The following MELTF variants were observed in gnomAD, a reference collection of about 807,000 sequenced individuals.
MELTF encodes melanotransferrin.
Under a neutral mutation model 83.7 loss-of-function variants are expected in MELTF, and 67 were observed. That is an observed-to-expected ratio of 0.80 (90% CI 0.66 to 0.98). The LOEUF (loss-of-function observed/expected upper bound fraction) is 0.98, where lower values mean the gene tolerates loss of function less well. Among genes scored for constraint, MELTF ranks in the 50% least tolerant of loss-of-function variants. MELTF has a pLI of 0.00. For missense variants in MELTF, 1,002 were observed against 1,035.6 expected, an observed-to-expected ratio of 0.97 and a Z score of 0.44; for synonymous variants, 462 against 447.6, an observed-to-expected ratio of 1.03 and a Z score of -0.41.
In MELTF at chr3:197,015,379, T is replaced by C. The variant is rs142146437; in HGVS notation, c.1219A>G (p.Met407Val). ...GTGACTCCCACCTGGATCCGCTCCATGCAGTGTTGGGGGGACTTGGCTGAC... is the reference window on the plus strand; with the variant it reads ...GTGACTCCCACCTGGATCCGCTCCACGCAGTGTTGGGGGGACTTGGCTGAC... ...CVSAKSPQHC[M>V]ERIQAEQVDA... The change falls in exon 9 of 16, where the codon ATG (methionine) becomes GTG (valine). Residue 407 changes from methionine to valine, a missense_variant. Transcript: ENST00000296350. 6.4e-5 allele frequency: 100 copies of C among 1,568,636 alleles called. No individual in the cohort carries two copies. The highest frequency in any genetic ancestry group is 7.5e-5 in the Admixed American group (4 of 53,086).
intron 6 of MELTF, chr3:197,019,640 C>G: frequency 1.9e-6 from 3 of 1,611,734 alleles, no homozygotes; most frequent in Non-Finnish European, 2.5e-6. Context: ...GCCCGTTTTC[C>G]AAATTCTCCT....
chr3:197,003,998 C>T lies in MELTF; in HGVS notation c.2040G>A (p.Ala680=). Reference sequence around the variant, plus strand: ...AGGTGGTTTTCTCTCCGACAGGCACCGCCCGGACGGTGGCATCCTTGAAAA... The same window carrying T: ...AGGTGGTTTTCTCTCCGACAGGCACTGCCCGGACGGTGGCATCCTTGAAAA... ...DLLFKDATVR[A]VPVGEKTTYR... Residue 680 remains alanine, a synonymous_variant, in exon 15 of 16, where the codon GCG becomes GCA. Transcript: ENST00000296350. This position sits in a 1 kb window ranked among gnomAD's most constrained non-coding sequence, Gnocchi z 6.2. 3 of 1,614,200 alleles carry T rather than the reference C, an allele frequency of 1.9e-6. No homozygotes were observed. Among genetic ancestry groups the T allele is most frequent in the Non-Finnish European group, 2.5e-6 (3 of 1,180,032 alleles).
At position 197,019,499 on chromosome 3, in the gene MELTF, A is replaced by T. The variant is rs1577939989; in HGVS notation, c.712+1905T>A. The T allele has an allele frequency of 1.2e-5, 18 of 1,495,272 alleles. No homozygotes were observed. In the East Asian group the frequency reaches 4.1e-4, roughly 34 times the overall value. 92.6% of individuals were successfully genotyped at this position (1,495,272 alleles called of 1,614,324 possible). ...ACGCCTGTCATCCCAGCTACTCAGGAGGCTGAGATGCGAGGATCAGTTGAG... is the reference window on the plus strand; with the variant it reads ...ACGCCTGTCATCCCAGCTACTCAGGTGGCTGAGATGCGAGGATCAGTTGAG... On this transcript the variant is annotated intron_variant, in intron 6 of 15. Transcript: ENST00000296350.
chr3:197,014,383 G>GGTT lies in MELTF; in HGVS notation c.1233+981_1233+982insAAC, dbSNP rs747329235. Among the ~76,000 whole-genome samples the GGTT allele has an allele frequency of 1.3e-3, 130 of 101,054 alleles. 1 individual carries two copies. The highest frequency in any genetic ancestry group is 4.7e-3 in the African/African-American group (114 of 24,124). 66.3% of individuals were successfully genotyped at this position (101,054 alleles called of 152,430 possible). ...GTAGGGGAAGGGAGGAATAGGGAGA[G>GGTT]TTTTTTTTTTTTTTTTTTTTTTTGA... On this transcript the variant is annotated intron_variant, in intron 9 of 15. Transcript: ENST00000296350.
intron 14 of MELTF, among the ~76,000 whole-genome samples, chr3:197,005,649 G>A (rs940362043): frequency 2.0e-5 from 3 of 152,216 alleles, no homozygotes; most frequent in African/African-American, 7.2e-5. Flanking sequence ...GCAGGGGAAG[G>A]TGTTTCCAGG....
Position 197,007,428 on chromosome 3 carries a change from G to A in MELTF, c.1751-692C>T, listed in dbSNP as rs1015242157. On this transcript the variant is annotated intron_variant, in intron 13 of 15. Coordinates refer to ENST00000296350, the MANE Select transcript of MELTF (RefSeq NM_005929.6). The surrounding 1 kb of genome is among the most constrained non-coding windows in gnomAD (Gnocchi z 4.3). ...CTCCTCCCATTTCCAGGAAATCCAGGTGGGCCTTGAGGAGAGCTAAAGATA... is the reference window on the plus strand; with the variant it reads ...CTCCTCCCATTTCCAGGAAATCCAGATGGGCCTTGAGGAGAGCTAAAGATA... 6.6e-6 allele frequency among the ~76,000 whole-genome samples: 1 copy of A among 152,188 alleles called. No homozygotes were observed. The highest frequency in any genetic ancestry group is 2.4e-5 in the African/African-American group (1 of 41,430).
rs113882690 is a variant in MELTF, at chr3:197,007,022, C to T, written c.1751-286G>A. Among the ~76,000 whole-genome samples the T allele has an allele frequency of 1.5e-4, 23 of 152,254 alleles. 1 individual carries two copies. Among genetic ancestry groups the T allele is most frequent in the African/African-American group, 4.6e-4 (19 of 41,540 alleles). ...CGTTGCTTGATCCCCACAACAGTAA[C>T]GCAGGGTAGGTGTTTTTGTCCCCAT... On this transcript the variant is annotated intron_variant, in intron 13 of 15. Transcript: ENST00000296350. This position sits in a 1 kb window ranked among gnomAD's most constrained non-coding sequence, Gnocchi z 4.3.
At chr3:197,027,988 T>G (rs1719935963) in intron 1 of MELTF, 78 bp from the exon 2 acceptor site, 21 of 1,455,156 alleles carry the variant, frequency 1.4e-5, no homozygotes, top group Non-Finnish European at 1.8e-5. Flanking sequence ...GCTCCAGCAG[T>G]TCTGTGTGAG....
At position 197,024,213 on chromosome 3, in the gene MELTF, G is replaced by A. The variant is rs1462873260; in HGVS notation, c.487+90C>T. On this transcript the variant is annotated intron_variant, in intron 4 of 15. Coordinates refer to ENST00000296350, the MANE Select transcript of MELTF (RefSeq NM_005929.6). The surrounding 1 kb of genome is among the most constrained non-coding windows in gnomAD (Gnocchi z 5.3). ...AGGAATGAAGAATGGTGGCGAGGCC[G>A]GAGGGAGGCTACCCAGTGAAGGGAC... is the stretch of plus-strand genomic sequence containing the variant. 19 of 1,374,666 alleles carry A rather than the reference G, an allele frequency of 1.4e-5. No homozygotes were observed. Among genetic ancestry groups the A allele is most frequent in the African/African-American group, 4.4e-5 (3 of 68,826 alleles). 85.2% of individuals were successfully genotyped at this position (1,374,666 alleles called of 1,614,324 possible). A position where few individuals can be genotyped will look rare whatever the true frequency, so the allele number is the denominator to read the frequency against.
In MELTF at chr3:197,002,481, C is replaced by T. The variant is rs1040011614; in HGVS notation, c.*891G>A. 2.0e-5 allele frequency: 3 copies of T among 152,178 alleles called. No homozygotes were observed. Among genetic ancestry groups the T allele is most frequent in the Admixed American group, 1.3e-4 (2 of 15,284 alleles). 9.4% of individuals were successfully genotyped at this position (152,178 alleles called of 1,614,324 possible). A position where few individuals can be genotyped will look rare whatever the true frequency, so the allele number is the denominator to read the frequency against. ...TCCCCAGGCCCAGCGGGTGCGGGGC[C>T]GGGTGAGGAGACGGAGCTCACCCCC... On this transcript the variant is annotated 3_prime_UTR_variant, in exon 16 of 16. Coordinates refer to ENST00000296350, the MANE Select transcript of MELTF (RefSeq NM_005929.6).
At position 197,003,745 on chromosome 3, in the gene MELTF, T is replaced by G; in HGVS notation, c.2137+156A>C. 1 of 671,600 alleles carries G rather than the reference T, an allele frequency of 1.5e-6. No individual in the cohort carries two copies. The highest frequency in any genetic ancestry group is 1.9e-5 in the African/African-American group (1 of 53,248). 41.6% of individuals were successfully genotyped at this position (671,600 alleles called of 1,614,324 possible). ...GCTCCCGCCCTCCCGGCCCGCAGCC[T>G]CCTGGCCAAAATCCTCCCGGGACAC... On this transcript the variant is annotated intron_variant, in intron 15 of 15. Transcript: ENST00000296350. The surrounding 1 kb of genome is among the most constrained non-coding windows in gnomAD (Gnocchi z 6.2).
chr3:197,004,187 A>AT (rs1718893945), intron 14 of MELTF, 88 bp from the exon 15 acceptor site: 1 of 1,261,722 alleles, frequency 7.9e-7, no homozygotes, highest in Non-Finnish European at 1.2e-6. Context: ...ATTGCTTTAC[A>AT]TACAGTGACC....
intron 6 of MELTF, chr3:197,019,135 A>G: frequency 1.0e-6 from 1 of 986,872 alleles, no homozygotes; most frequent in Non-Finnish European, 1.2e-6. Context: ...GTCATTGTTA[A>G]TGGCCACATG....
intron 6 of MELTF, chr3:197,021,199 C>G: frequency 1.8e-6 from 1 of 570,030 alleles, no homozygotes; most frequent in South Asian, 2.4e-5. Context: ...GCAGTGGGCA[C>G]TCCACTGGTG....
At chr3:197,004,602 T>C (rs898576873) in intron 14 of MELTF, 2 of 183,898 alleles carry the variant, frequency 1.1e-5, no homozygotes, top group Non-Finnish European at 2.3e-5. Flanking sequence ...CGCCCAGGGA[T>C]GCTGCACTCC....
chr3:197,008,092 G>A lies in MELTF; in HGVS notation c.1750+565C>T, dbSNP rs766362322. On this transcript the variant is annotated intron_variant, in intron 13 of 15. Transcript: ENST00000296350. This position sits in a 1 kb window ranked among gnomAD's most constrained non-coding sequence, Gnocchi z 5.4. ...GTCAGGGGAGCGTGTGCTCTGATAGGACCATGTATGTACTGGGGTCCCGGA... is the reference window on the plus strand; with the variant it reads ...GTCAGGGGAGCGTGTGCTCTGATAGAACCATGTATGTACTGGGGTCCCGGA... 4.6e-5 allele frequency among the ~76,000 whole-genome samples: 7 copies of A among 152,162 alleles called. No individual in the cohort carries two copies. The highest frequency in any genetic ancestry group is 8.8e-5 in the Non-Finnish European group (6 of 68,022).
In MELTF at chr3:197,007,230, A is replaced by G. The variant is rs1211367386; in HGVS notation, c.1751-494T>C. On this transcript the variant is annotated intron_variant, in intron 13 of 15. Transcript: ENST00000296350. The surrounding 1 kb of genome is among the most constrained non-coding windows in gnomAD (Gnocchi z 4.3). The stretch of plus-strand genomic sequence containing the variant: ...CTTGTGGATGCAGAAGGCAGCTTCA[A>G]GGGCCCTTGCTTGCAAAGAATCTTA... Among the ~76,000 whole-genome samples the G allele has an allele frequency of 6.6e-6, 1 of 152,164 alleles. No homozygotes were observed. Among genetic ancestry groups the G allele is most frequent in the Non-Finnish European group, 1.5e-5 (1 of 68,026 alleles).
intron 6 of MELTF, chr3:197,021,154 G>A (rs1479658853): frequency 1.9e-5 from 10 of 525,694 alleles, no homozygotes; most frequent in African/African-American, 1.7e-4. Context: ...AAGCAGAGCA[G>A]AGCTGCTCGC....
In MELTF at chr3:197,007,671, G is replaced by A. The variant is rs1719028811; in HGVS notation, c.1751-935C>T. On this transcript the variant is annotated intron_variant, in intron 13 of 15. Coordinates refer to ENST00000296350, the MANE Select transcript of MELTF (RefSeq NM_005929.6). The surrounding 1 kb of genome is among the most constrained non-coding windows in gnomAD (Gnocchi z 4.3). ...GTAGGAGGCTGGGTGGGGGAGCTGG[G>A]CTGTGGCAACAGGAAGGGTTCAGGG... Among the ~76,000 whole-genome samples the A allele has an allele frequency of 1.3e-5, 2 of 152,214 alleles. No individual in the cohort carries two copies. Among genetic ancestry groups the A allele is most frequent in the Admixed American group, 1.3e-4 (2 of 15,292 alleles).
Sources: gnomAD v4.1 joint callset for allele counts (sites outside exome capture counted in the v4.1 genomes callset) on GRCh38, gnomAD v4.1.1 for gene constraint, Gnocchi (gnomAD v3.1) non-coding constraint, MANE v1.5 for transcripts, NCBI Gene and HGNC (gene_info 2026-07-23, HGNC 2026-07-21) for gene names.